ASH1L: variants seen among roughly 807,000 people sequenced by gnomAD.
The protein encoded by ASH1L is ASH1 like histone lysine methyltransferase, also known as histone-lysine N-methyltransferase ASH1L.
In ASH1L, 23 loss-of-function variants were observed where a neutral mutation model predicts 269.0. That is an observed-to-expected ratio of 0.09 (90% CI 0.06 to 0.12). The LOEUF (loss-of-function observed/expected upper bound fraction) is 0.12, where lower values mean the gene tolerates loss of function less well. ASH1L is among the 10% of genes least tolerant of loss of function. ASH1L has a pLI of 1.00. For missense variants in ASH1L, 2,912 were observed against 3,567.8 expected, an observed-to-expected ratio of 0.82 and a Z score of 4.68; for synonymous variants, 1,187 against 1,253.5, an observed-to-expected ratio of 0.95 and a Z score of 1.12.
chr1:155,426,147 C>A (rs749408394), intron 5 of ASH1L, among the ~76,000 whole-genome samples: 1 of 152,140 alleles, frequency 6.6e-6, no homozygotes, highest in South Asian at 2.1e-4. Context: ...TCACTGCAAC[C>A]TCTGCCTCCC....
rs116069205 is a variant in ASH1L at position 155,415,871 on chromosome 1, G to A, written c.5881C>T (p.Pro1961Ser). ...TGCAAGGTACTTTCAGGTTCAGAAG[G>A]TTTAGCTGGGGTTTCAGAAGGACTG... The part of the protein sequence containing the change: ...IPSPSETPAK[P>S]SEPESTLQPV... The change falls in exon 6 of 28, where the codon CCT becomes TCT. Residue 1961 changes from proline (P) to serine (S), a missense_variant. Physicochemically the swap from Pro to Ser is moderately conservative, Grantham distance 74. Coordinates refer to ENST00000392403, the MANE Select transcript of ASH1L (RefSeq NM_018489.3). 608 of 1,612,234 alleles carry A rather than the reference G, an allele frequency of 3.8e-4. 3 individuals are homozygous for A. In the African/African-American group the frequency reaches 7.5e-3, roughly 20 times the overall value.
At chr1:155,494,476 A>G (rs1411442720) in intron 2 of ASH1L, among the ~76,000 whole-genome samples, 3 of 152,246 alleles carry the variant, frequency 2.0e-5, no homozygotes, top group Non-Finnish European at 2.9e-5. Flanking sequence ...AGACAATTGC[A>G]GAGAGGACAG....
chr1:155,538,142 A>G (rs1670181151), intron 1 of ASH1L, among the ~76,000 whole-genome samples: 1 of 151,030 alleles, frequency 6.6e-6, no homozygotes, highest in East Asian at 1.9e-4. Context: ...CTCCTGTCTC[A>G]GCCTCCAAAG....
rs143322824 is a variant in ASH1L at position 155,481,300 on chromosome 1, G to A, written c.1570C>T (p.Pro524Ser). Residue 524 changes from proline to serine, a missense_variant, in exon 3 of 28, where the codon CCT (proline) becomes TCT (serine). Physicochemically the swap from Pro to Ser is moderately conservative, Grantham distance 74. This residue lies in a region of ASH1L where 715 missense variants were observed against 721.0 expected (regional missense o/e 0.99). Coordinates refer to ENST00000392403, the MANE Select transcript of ASH1L (RefSeq NM_018489.3). ...AAGTCCGGAGAAGTGCAATATACAG[G>A]AGGCTGCTTTTCATGCTTTGAGGTT... ...YETSKHEKQP[P>S]VYCTSPDFKM... 8.1e-6 allele frequency: 13 copies of A among 1,614,138 alleles called. No homozygotes were observed. The African/African-American group carries it at 1.1e-4, about 13-fold the overall frequency.
At chr1:155,360,905 G>C (rs927162753) in intron 12 of ASH1L, among the ~76,000 whole-genome samples, 1 of 151,860 alleles carries the variant, frequency 6.6e-6, no homozygotes, top group Non-Finnish European at 1.5e-5. Context: ...TGTATTCCCC[G>C]CACTTTGGGA....
intron 2 of ASH1L, among the ~76,000 whole-genome samples, chr1:155,500,847 A>C (rs1428586617): frequency 6.6e-6 from 1 of 152,212 alleles, no homozygotes; most frequent in Non-Finnish European, 1.5e-5. Context: ...ACATGCCTGT[A>C]ATCTCAGCTA....
Position 155,562,389 on chromosome 1 carries a change from C to G in ASH1L, c.-336G>C. On this transcript the variant is annotated 5_prime_UTR_variant, in exon 1 of 28. Transcript: ENST00000392403. ...GTCCCGCAACCGAGACTGGGATCGT[C>G]TCCCCTCCGCAAAGCGAACCCAAAA... is the stretch of plus-strand genomic sequence containing the variant. 4.0e-6 allele frequency: 6 copies of G among 1,501,674 alleles called. No individual in the cohort carries two copies. The highest frequency in any genetic ancestry group is 5.4e-6 in the Non-Finnish European group (6 of 1,104,608). The allele number at this position is 1,501,674 out of a possible 1,614,324, so 93.0% of individuals were successfully genotyped here.
rs190924158 is a variant in ASH1L, at chr1:155,402,905, C to T, written c.6009-7352G>A. On this transcript the variant is annotated intron_variant, in intron 6 of 27. Transcript: ENST00000392403. The stretch of plus-strand genomic sequence containing the variant: ...TTCAGCATAAAAAGACATTGAAGGC[C>T]GGGTATGGTTGCCTGTAATCCCAGC... Among the ~76,000 whole-genome samples the T allele has an allele frequency of 3.5e-4, 52 of 148,386 alleles. No homozygotes were observed. The East Asian group carries it at 7.8e-3, about 22-fold the overall frequency.
chr1:155,357,126 T>A (rs1293540962), intron 15 of ASH1L, among the ~76,000 whole-genome samples, 190 bp downstream of exon 15: 342 of 16,752 alleles, frequency 0.02, no homozygotes, highest in East Asian at 0.046. Flanking sequence ...CACAAAAGGG[T>A]AAGACTTAAA....
chr1:155,363,272 C>T (rs762524751), intron 12 of ASH1L, among the ~76,000 whole-genome samples: 1 of 151,914 alleles, frequency 6.6e-6, no homozygotes, highest in Non-Finnish European at 1.5e-5. Context: ...CGTGAGCCAC[C>T]GCGCCTGGCT....
intron 3 of ASH1L, among the ~76,000 whole-genome samples, chr1:155,461,820 T>TG (rs35433716): frequency 6.7e-6 from 1 of 150,210 alleles, no homozygotes; most frequent in East Asian, 1.9e-4. Context: ...TTTTTTTTTT[T>TG]GGGAGACGGA....
intron 3 of ASH1L, among the ~76,000 whole-genome samples, chr1:155,471,958 T>G (rs945407681): frequency 2.0e-5 from 3 of 152,170 alleles, no homozygotes; most frequent in Admixed American, 6.5e-5. Context: ...GAGCAGTGAC[T>G]TCAGAGAGGT....
In ASH1L at chr1:155,557,650, T is replaced by C. The variant is rs1385732398; in HGVS notation, c.-100+4503A>G. Among the ~76,000 whole-genome samples, 3 of 152,022 alleles carry C rather than the reference T, an allele frequency of 2.0e-5. No homozygotes were observed. The East Asian group carries it at 5.8e-4, about 29-fold the overall frequency. On this transcript the variant is annotated intron_variant, in intron 1 of 27. Transcript: ENST00000392403. ...GCCAATTACAGGCCTGATGAGGCAG[T>C]CACTAAAAAAGCGATTTCTAAAACG...
intron 6 of ASH1L, among the ~76,000 whole-genome samples, chr1:155,409,664 C>A (rs1486925316): frequency 3.9e-5 from 6 of 152,118 alleles, no homozygotes; most frequent in South Asian, 2.1e-4. Flanking sequence ...CTGGATCTCA[C>A]TATGTTGCCC....
intron 1 of ASH1L, among the ~76,000 whole-genome samples, chr1:155,546,458 T>C (rs1358829220): frequency 6.6e-6 from 1 of 152,086 alleles, no homozygotes; most frequent in East Asian, 1.9e-4. Flanking sequence ...TGAGTTTATT[T>C]CCACTTTTAA....
chr1:155,493,186 TCAC>T (rs1486680508), intron 2 of ASH1L, among the ~76,000 whole-genome samples: 1 of 152,306 alleles, frequency 6.6e-6, no homozygotes, highest in East Asian at 1.9e-4. Flanking sequence ...TGTGCAAATA[TCAC>T]CACTACTTTA....
chr1:155,516,371 T>C (rs981442101), intron 2 of ASH1L, among the ~76,000 whole-genome samples: 2 of 152,210 alleles, frequency 1.3e-5, no homozygotes, highest in Non-Finnish European at 1.5e-5. Context: ...CTGAGGCATA[T>C]ATTAAAATAC....
chr1:155,517,273 C>T (rs1292491632), intron 2 of ASH1L, among the ~76,000 whole-genome samples: 1 of 152,102 alleles, frequency 6.6e-6, no homozygotes, highest in East Asian at 1.9e-4. Context: ...TCACTTGAGC[C>T]CAGGAGTTTG....
At chr1:155,412,927 T>G (rs1659922217) in intron 6 of ASH1L, among the ~76,000 whole-genome samples, 1 of 151,740 alleles carries the variant, frequency 6.6e-6, no homozygotes, top group South Asian at 2.1e-4. Context: ...AAAAAAATGG[T>G]TTTTTTTAAA....
Sources: allele counts gnomAD v4.1 joint callset (sites outside exome capture counted in the v4.1 genomes callset), GRCh38; gene constraint gnomAD v4.1.1; regional missense constraint gnomAD v4.1.1; transcripts MANE v1.5; gene names NCBI Gene and HGNC (gene_info 2026-07-23, HGNC 2026-07-21).